The following MAN1B1 variants were observed in gnomAD, a reference collection of about 807,000 sequenced individuals.
MAN1B1 encodes the protein mannosidase alpha class 1B member 1.
Under a neutral mutation model 75.5 loss-of-function variants are expected in MAN1B1, and 66 were observed. The ratio of observed to expected loss-of-function variants is 0.87; its 90% CI spans 0.72 to 1.07. The LOEUF (loss-of-function observed/expected upper bound fraction) is 1.07. MAN1B1 is among the 50% of genes least tolerant of loss of function. MAN1B1 has a pLI of 0.00. For missense variants in MAN1B1, 973 were observed against 912.5 expected (o/e 1.07, Z -0.85); for synonymous variants, 453 against 382.8 (o/e 1.18, Z -2.14).
chr9:137,107,020 G>T, intron 10 of MAN1B1: 1 of 756,290 alleles, frequency 1.3e-6, no homozygotes. Flanking sequence ...CCCCAGGGCA[G>T]CTCCCTCCCC....
chr9:137,088,499 G>C (rs139457716), intron 2 of MAN1B1: 1 of 1,319,098 alleles, frequency 7.6e-7, no homozygotes, highest in South Asian at 1.2e-5. Flanking sequence ...ACTCATTAGC[G>C]TGTGTTTGGA....
chr9:137,101,233 G>C (rs1443853799), intron 7 of MAN1B1, 80 bp downstream of exon 7: 5 of 1,549,844 alleles, frequency 3.2e-6, no homozygotes, highest in Non-Finnish European at 4.4e-6. Context: ...TTGTGGGGAC[G>C]TGACTGTCTT....
rs554886566 is a variant in MAN1B1, at chr9:137,109,064, A to G, written c.*473A>G. The G allele has an allele frequency of 6.4e-5, 29 of 456,014 alleles. No homozygotes were observed. Among genetic ancestry groups the G allele is most frequent in the African/African-American group, 5.6e-4 (28 of 50,186 alleles). The allele number at this position is 456,014 out of a possible 1,614,324, so 28.2% of individuals were successfully genotyped here. A position where few individuals can be genotyped will look rare whatever the true frequency, so the allele number is the denominator to read the frequency against. ...GCTCTGGTGTTTACAAGCTGGACTC[A>G]GGGATCCTCCTGGCCGCCCCGCAGG... is the stretch of plus-strand genomic sequence containing the variant. On this transcript the variant is annotated 3_prime_UTR_variant, in exon 13 of 13. Coordinates refer to ENST00000371589, the MANE Select transcript of MAN1B1 (RefSeq NM_016219.5).
chr9:137,108,284 G>A (rs922715897), intron 12 of MAN1B1, 104 bp from the exon 13 acceptor site: 5 of 1,052,328 alleles, frequency 4.8e-6, no homozygotes, highest in East Asian at 2.4e-5. Flanking sequence ...CTGAGCTTGC[G>A]CTGGGGGCCA....
intron 3 of MAN1B1, among the ~76,000 whole-genome samples, chr9:137,092,707 G>A (rs549033660): frequency 1.3e-5 from 2 of 152,318 alleles, no homozygotes; most frequent in East Asian, 1.9e-4. Context: ...CCCTGCTACG[G>A]TGCTGAGAGT....
In MAN1B1 at chr9:137,102,371, G is replaced by A. The variant is rs555183476; in HGVS notation, c.1254+699G>A. The A allele has an allele frequency of 1.1e-3, 485 of 436,148 alleles. 3 individuals carry two copies. Among genetic ancestry groups the A allele is most frequent in the African/African-American group, 8.3e-3 (378 of 45,630 alleles). 27.0% of individuals were successfully genotyped at this position (436,148 alleles called of 1,614,324 possible). ...TCGGTGGTGTTACATTCACGCTGTT[G>A]CAGACGTGCAGGTCAGTGCTGTTAC... On this transcript the variant is annotated intron_variant, in intron 8 of 12. Transcript: ENST00000371589.
intron 8 of MAN1B1, chr9:137,102,873 C>A: frequency 2.4e-6 from 1 of 422,290 alleles, no homozygotes; most frequent in Non-Finnish European, 4.6e-6. Flanking sequence ...GGTGGTGTTA[C>A]ATTCATGCTG....
rs571005483 is a variant in MAN1B1, at chr9:137,095,674, G to C, written c.466-563G>C. Among the ~76,000 whole-genome samples, 3 of 152,330 alleles carry C rather than the reference G, an allele frequency of 2.0e-5. No individual in the cohort carries two copies. The South Asian group carries it at 6.2e-4, about 32-fold the overall frequency. On this transcript the variant is annotated intron_variant, in intron 3 of 12. Coordinates refer to ENST00000371589, the MANE Select transcript of MAN1B1 (RefSeq NM_016219.5). ...GACCTAAGCCTCAGTCCGTGACACG[G>C]TCTGCAGCTTTCCCACGCTCCTGTT... is the stretch of plus-strand genomic sequence containing the variant.
intron 3 of MAN1B1, among the ~76,000 whole-genome samples, chr9:137,089,508 G>C (rs1027341337): frequency 1.3e-5 from 2 of 152,342 alleles, no homozygotes; most frequent in Admixed American, 1.3e-4. Flanking sequence ...GAGGCAAGGA[G>C]GACCTTGGCA....
Position 137,099,682 on chromosome 9 carries a change from C to CT in MAN1B1, c.731-13dup. ...CCACGTCCGCCATGGCCTGTGCTCT[C>CT]TCCCCCCTACTAGTGCATCTGAACT... On this transcript the variant is annotated splice_polypyrimidine_tract_variant and intron_variant, in intron 5 of 12. Coordinates refer to ENST00000371589, the MANE Select transcript of MAN1B1 (RefSeq NM_016219.5). 6.2e-7 allele frequency: 1 copy of CT among 1,614,002 alleles called. No individual in the cohort carries two copies. The highest frequency in any genetic ancestry group is 8.5e-7 in the Non-Finnish European group (1 of 1,179,980).
chr9:137,095,245 G>C (rs1830622259), intron 3 of MAN1B1, among the ~76,000 whole-genome samples: 1 of 151,770 alleles, frequency 6.6e-6, no homozygotes, highest in African/African-American at 2.4e-5. Flanking sequence ...AGTAGAGATG[G>C]TGTTTCACCA....
At chr9:137,106,448 C>T (rs967036284) in intron 9 of MAN1B1, 133 bp downstream of exon 9, 25 of 1,013,776 alleles carry the variant, frequency 2.5e-5, no homozygotes, top group African/African-American at 6.4e-5. Flanking sequence ...AAACCGCAGC[C>T]GTGCCAGGCC....
Position 137,100,839 on chromosome 9 carries a change from C to G in MAN1B1, c.917-166C>G, listed in dbSNP as rs147425453. 7.9e-5 allele frequency among the ~76,000 whole-genome samples: 12 copies of G among 152,308 alleles called. 1 individual carries two copies. The East Asian group carries it at 2.3e-3, about 29-fold the overall frequency. ...TTTCCCATGTTGTCCAGGCTGGTCTCTAACTCCTGGGCTCAAGCAATCCAC... is the reference window on the plus strand; with the variant it reads ...TTTCCCATGTTGTCCAGGCTGGTCTGTAACTCCTGGGCTCAAGCAATCCAC... On this transcript the variant is annotated intron_variant, in intron 6 of 12. Coordinates refer to ENST00000371589, the MANE Select transcript of MAN1B1 (RefSeq NM_016219.5).
At chr9:137,090,880 A>G (rs1339042785) in intron 3 of MAN1B1, among the ~76,000 whole-genome samples, 3 of 152,176 alleles carry the variant, frequency 2.0e-5, no homozygotes, top group African/African-American at 7.2e-5. Context: ...TAAAATTTCT[A>G]TAAGCTCAAT....
rs376406006 is a variant in MAN1B1, at chr9:137,092,662, C to T, written c.466-3575C>T. Among the ~76,000 whole-genome samples the T allele has an allele frequency of 4.6e-5, 7 of 152,368 alleles. No individual in the cohort carries two copies. The South Asian group carries it at 8.3e-4, about 18-fold the overall frequency. Reference sequence around the variant, plus strand: ...TTGTGAAGATTTTGATGTCCTATGACGTGTATCATGACAAACTATTCCCGA... The same window carrying T: ...TTGTGAAGATTTTGATGTCCTATGATGTGTATCATGACAAACTATTCCCGA... On this transcript the variant is annotated intron_variant, in intron 3 of 12. Coordinates refer to ENST00000371589, the MANE Select transcript of MAN1B1 (RefSeq NM_016219.5).
chr9:137,107,164 G>T, intron 10 of MAN1B1, 86 bp from the exon 11 acceptor site: 1 of 1,432,834 alleles, frequency 7.0e-7, no homozygotes, highest in South Asian at 1.2e-5. Flanking sequence ...CCGAGGCAGC[G>T]CTGGGCTCCC....
chr9:137,088,542 A>G (rs1830439698), intron 2 of MAN1B1: 21 of 984,586 alleles, frequency 2.1e-5, no homozygotes, highest in Non-Finnish European at 3.2e-5. Flanking sequence ...GAGGATGTGG[A>G]GAATCTCTTC....
intron 3 of MAN1B1, among the ~76,000 whole-genome samples, chr9:137,090,108 C>A (rs1455454828): frequency 6.6e-6 from 1 of 152,068 alleles, no homozygotes; most frequent in African/African-American, 2.4e-5. Context: ...CAGGAGGCAG[C>A]TGGAGAACCA....
chr9:137,099,672 C>T, intron 5 of MAN1B1, 24 bp from the exon 6 acceptor site: 1 of 1,613,620 alleles, frequency 6.2e-7, no homozygotes, highest in Non-Finnish European at 8.5e-7. Flanking sequence ...TCCGCCATGG[C>T]CTGTGCTCTC....
Sources: gnomAD v4.1 joint callset for allele counts (sites outside exome capture counted in the v4.1 genomes callset) on GRCh38, gnomAD v4.1.1 for gene constraint, MANE v1.5 for transcripts, NCBI Gene and HGNC (gene_info 2026-07-23, HGNC 2026-07-21) for gene names.